Variants in AQP7B observed in about 807,000 individuals in gnomAD.
The protein encoded by AQP7B is putative aquaporin-7B.
the AQP7B span, among the ~76,000 whole-genome samples, chr2:94,591,867 C>A: frequency 6.6e-6 from 1 of 152,156 alleles, no homozygotes; most frequent in Non-Finnish European, 1.5e-5. Context: ...TTCACTTCCT[C>A]CACATGCCCC....
At chr2:94,603,169 T>C in the AQP7B span, 2 of 1,511,090 alleles carry the variant, frequency 1.3e-6, no homozygotes, top group East Asian at 2.3e-5. Flanking sequence ...TACAGTCTCT[T>C]CTACAGCAAG....
the AQP7B span, among the ~76,000 whole-genome samples, chr2:94,592,416 C>T: frequency 6.6e-6 from 1 of 152,150 alleles, no homozygotes; most frequent in East Asian, 1.9e-4. Context: ...GAAACAAAAC[C>T]AGGGATGAGT....
At chr2:94,602,355 G>A in the AQP7B span, 5 of 831,994 alleles carry the variant, frequency 6.0e-6, no homozygotes, top group South Asian at 1.8e-5. Flanking sequence ...TGGAGGAAGA[G>A]GGCGTGGCAG....
At chr2:94,602,652 C>G in the AQP7B span, 12 of 1,555,754 alleles carry the variant, frequency 7.7e-6, no homozygotes, top group Admixed American at 1.7e-5. Context: ...TGGGCAAGAC[C>G]AGGTGTCCCC....
chr2:94,598,277 G>T, the AQP7B span, among the ~76,000 whole-genome samples: 1 of 152,178 alleles, frequency 6.6e-6, no homozygotes, highest in African/African-American at 2.4e-5. Flanking sequence ...TGCCAAAAAA[G>T]CTAGTGTGAC....
At chr2:94,603,249 G>T in the AQP7B span, 201 of 1,381,708 alleles carry the variant, frequency 1.5e-4, no homozygotes, top group Middle Eastern at 6.1e-4. Context: ...GGACCTCAGT[G>T]TCCTGATTTG....
At chr2:94,595,776 G>T in the AQP7B span, among the ~76,000 whole-genome samples, 76 of 152,250 alleles carry the variant, frequency 5.0e-4, no homozygotes, top group African/African-American at 1.8e-3. Context: ...GCAAAGCGCC[G>T]ATGAGCTGTT....
chr2:94,602,635 A>G, the AQP7B span: 1,029 of 1,576,068 alleles, frequency 6.5e-4, 8 homozygotes, highest in African/African-American at 0.011. Flanking sequence ...CCCAGGGCCT[A>G]CCAGACTGGG....
At chr2:94,603,827 G>T in the AQP7B span, 1 of 1,488,764 alleles carries the variant, frequency 6.7e-7, no homozygotes, top group Non-Finnish European at 9.3e-7. Context: ...GTCATCATCA[G>T]GGTGTCCCAT....
chr2:94,604,306 G>T, the AQP7B span: 3 of 1,606,670 alleles, frequency 1.9e-6, no homozygotes, highest in Admixed American at 1.7e-5. Context: ...AGAACTGGTG[G>T]TGGGTGCCAG....
At chr2:94,595,588 G>A in the AQP7B span, among the ~76,000 whole-genome samples, 1 of 152,082 alleles carries the variant, frequency 6.6e-6, no homozygotes. Flanking sequence ...GTAATTTTGG[G>A]TGCAGTGTGG....
At chr2:94,602,611 C>A in the AQP7B span, 1 of 1,594,516 alleles carries the variant, frequency 6.3e-7, no homozygotes, top group South Asian at 1.1e-5. Flanking sequence ...CAGGCCGCAT[C>A]TCTGGTGAGT....
chr2:94,601,781 G>A, the AQP7B span, among the ~76,000 whole-genome samples: 1 of 152,116 alleles, frequency 6.6e-6, no homozygotes, highest in South Asian at 2.1e-4. Context: ...GGGGGAGACG[G>A]AGGCCTCTGC....
At chr2:94,603,969 G>C in the AQP7B span, 1 of 1,110,842 alleles carries the variant, frequency 9.0e-7, no homozygotes, top group Non-Finnish European at 1.3e-6. Flanking sequence ...GAGTTTTTCT[G>C]TGGAGCTCCT....
the AQP7B span, among the ~76,000 whole-genome samples, chr2:94,589,247 G>T: frequency 6.6e-6 from 1 of 151,348 alleles, no homozygotes; most frequent in East Asian, 2.0e-4. Context: ...GACCTCAGGT[G>T]ATCCACCCGC....
At chr2:94,603,183 G>C in the AQP7B span, 1 of 1,487,616 alleles carries the variant, frequency 6.7e-7, no homozygotes, top group Admixed American at 1.9e-5. Context: ...CAGCAAGTGT[G>C]CTGCCTGGGT....
At chr2:94,598,093 A>G in the AQP7B span, among the ~76,000 whole-genome samples, 3 of 152,146 alleles carry the variant, frequency 2.0e-5, no homozygotes, top group African/African-American at 4.8e-5. Flanking sequence ...TGCTGTGCAG[A>G]TTTGTTGTGA....
chr2:94,594,719 C>G, the AQP7B span: 1 of 1,480,652 alleles, frequency 6.8e-7, no homozygotes, highest in Non-Finnish European at 9.4e-7. Context: ...TCCTTTCTGT[C>G]CCTGGGCTCG....
At chr2:94,599,358 T>A in the AQP7B span, among the ~76,000 whole-genome samples, 1 of 152,090 alleles carries the variant, frequency 6.6e-6, no homozygotes, top group African/African-American at 2.4e-5. Context: ...AGGGACCCAG[T>A]GGGCCCTGCT....
Sources: allele counts gnomAD v4.1 joint callset (sites outside exome capture counted in the v4.1 genomes callset), GRCh38; gene constraint gnomAD v4.1.1; transcripts MANE v1.5; gene names NCBI Gene and HGNC (gene_info 2026-07-23, HGNC 2026-07-21).